Variants in FBXL17 observed in about 807,000 individuals in gnomAD.
FBXL17 encodes the protein F-box and leucine rich repeat protein 17.
A neutral mutation model predicts 66.2 loss-of-function variants in FBXL17; 22 were observed. The ratio of observed to expected loss-of-function variants is 0.33; its 90% CI spans 0.24 to 0.47. FBXL17 has a LOEUF of 0.47. FBXL17 is among the 20% of genes least tolerant of loss of function. The probability of loss-of-function intolerance (pLI) is 1.00; values close to 1 mark genes in which losing one functional copy is unlikely to be tolerated. For missense variants in FBXL17, 878 were observed against 948.2 expected, an observed-to-expected ratio of 0.93 and a Z score of 0.97; for synonymous variants, 474 against 400.5, an observed-to-expected ratio of 1.18 and a Z score of -2.19.
intron 6 of FBXL17, among the ~76,000 whole-genome samples, chr5:108,021,893 C>A (rs905903494): frequency 2.0e-5 from 3 of 151,724 alleles, no homozygotes; most frequent in African/African-American, 7.3e-5. Context: ...GAGTCATTAA[C>A]CTTTTCTAGG....
chr5:108,369,336 GTATATCT>G (rs1748878142), intron 1 of FBXL17, among the ~76,000 whole-genome samples: 1 of 152,174 alleles, frequency 6.6e-6, no homozygotes, highest in African/African-American at 2.4e-5. Flanking sequence ...CCGAACCAAT[GTATATCT>G]TATGTCTCAT....
chr5:107,951,571 G>A (rs559653202), intron 7 of FBXL17, among the ~76,000 whole-genome samples: 5 of 131,382 alleles, frequency 3.8e-5, no homozygotes, highest in African/African-American at 7.5e-5. Flanking sequence ...TTATCTTGAC[G>A]TACCTGGCAC....
intron 7 of FBXL17, among the ~76,000 whole-genome samples, chr5:108,009,913 G>A (rs141851900): frequency 6.6e-6 from 1 of 152,234 alleles, no homozygotes; most frequent in Admixed American, 6.5e-5. Context: ...TGATGAGCTT[G>A]GGAAGGCTGG....
chr5:108,232,301 T>C (rs1036914599), intron 4 of FBXL17, among the ~76,000 whole-genome samples: 18 of 152,178 alleles, frequency 1.2e-4, no homozygotes, highest in African/African-American at 4.3e-4. Flanking sequence ...CAAAGGATAG[T>C]TGCATTAAGT....
intron 6 of FBXL17, among the ~76,000 whole-genome samples, chr5:108,049,930 T>C (rs1212588880): frequency 6.6e-6 from 1 of 152,024 alleles, no homozygotes; most frequent in African/African-American, 2.4e-5. Context: ...AAGGCAGGGA[T>C]TGGAATCCAA....
intron 6 of FBXL17, among the ~76,000 whole-genome samples, chr5:108,140,606 C>T (rs1195697601): frequency 1.3e-5 from 2 of 152,108 alleles, no homozygotes; most frequent in East Asian, 1.9e-4. Flanking sequence ...ACATGTGGGC[C>T]CTCATGCCAT....
intron 3 of FBXL17, among the ~76,000 whole-genome samples, chr5:108,360,547 T>A (rs1748278964): frequency 6.6e-6 from 1 of 152,138 alleles, no homozygotes; most frequent in Admixed American, 6.6e-5. Context: ...AATTATACTA[T>A]AATGTGTCTC....
intron 6 of FBXL17, among the ~76,000 whole-genome samples, chr5:108,162,616 A>T (rs935706130): frequency 1.3e-5 from 2 of 152,210 alleles, no homozygotes; most frequent in African/African-American, 4.8e-5. Context: ...ATAAGGCACA[A>T]AACAGTGATA....
At chr5:108,129,791 T>C (rs970246588) in intron 6 of FBXL17, among the ~76,000 whole-genome samples, 2 of 150,366 alleles carry the variant, frequency 1.3e-5, no homozygotes, top group Non-Finnish European at 3.0e-5. Flanking sequence ...ATAAAAAAAA[T>C]TATTGGCAGG....
intron 6 of FBXL17, among the ~76,000 whole-genome samples, chr5:108,062,299 T>A (rs150680193): frequency 7.2e-5 from 11 of 152,270 alleles, no homozygotes; most frequent in Admixed American, 3.3e-4. Context: ...TAAAATATAA[T>A]GTATTAAAGA....
intron 4 of FBXL17, among the ~76,000 whole-genome samples, chr5:108,333,753 C>G (rs1247022961): frequency 1.3e-5 from 2 of 152,102 alleles, no homozygotes; most frequent in African/African-American, 4.8e-5. Flanking sequence ...CATACAAAAA[C>G]CCCAATGAGA....
At chr5:108,245,015 T>C (rs897985422) in intron 4 of FBXL17, among the ~76,000 whole-genome samples, 6 of 152,130 alleles carry the variant, frequency 3.9e-5, no homozygotes, top group African/African-American at 1.4e-4. Flanking sequence ...CTTAAAGATA[T>C]AAAATCTTGA....
At chr5:108,373,344 TA>T (rs1561562766) in intron 1 of FBXL17, among the ~76,000 whole-genome samples, 2 of 114,396 alleles carry the variant, frequency 1.7e-5, no homozygotes, top group African/African-American at 7.5e-5. Context: ...TATCTAAATA[TA>T]ATATATCTAA....
intron 3 of FBXL17, among the ~76,000 whole-genome samples, chr5:108,358,447 T>C (rs1246296183): frequency 6.6e-6 from 1 of 150,712 alleles, no homozygotes; most frequent in Non-Finnish European, 1.5e-5. Flanking sequence ...AGATGACTGG[T>C]TTTTTTTTCC....
chr5:108,122,316 C>T (rs1292226926), intron 6 of FBXL17, among the ~76,000 whole-genome samples: 1 of 152,128 alleles, frequency 6.6e-6, no homozygotes. Flanking sequence ...ACAGCTAATA[C>T]ATAACAAAGC....
chr5:108,213,457 A>G (rs1356831687), intron 5 of FBXL17, among the ~76,000 whole-genome samples: 1 of 152,184 alleles, frequency 6.6e-6, no homozygotes, highest in African/African-American at 2.4e-5. Context: ...TGGTTTGCAG[A>G]TTGCAAAGAC....
chr5:107,892,921 G>C (rs1283196614), intron 7 of FBXL17, among the ~76,000 whole-genome samples: 1 of 152,144 alleles, frequency 6.6e-6, no homozygotes, highest in Non-Finnish European at 1.5e-5. Context: ...AACTAGATTA[G>C]AATACAGCAA....
intron 4 of FBXL17, among the ~76,000 whole-genome samples, chr5:108,307,781 A>G (rs1186609528): frequency 6.6e-6 from 1 of 152,026 alleles, no homozygotes; most frequent in Non-Finnish European, 1.5e-5. Flanking sequence ...CCATTAACAT[A>G]GCTTTAAAAT....
chr5:107,950,415 T>C (rs893547715), intron 7 of FBXL17, among the ~76,000 whole-genome samples: 6 of 152,162 alleles, frequency 3.9e-5, no homozygotes, highest in African/African-American at 1.4e-4. Context: ...ATTCTGAATA[T>C]AGAATAATCA....
Sources: allele counts gnomAD v4.1 joint callset (sites outside exome capture counted in the v4.1 genomes callset), GRCh38; gene constraint gnomAD v4.1.1; transcripts MANE v1.5; gene names NCBI Gene and HGNC (gene_info 2026-07-23, HGNC 2026-07-21).